CNTN5: variants seen among roughly 807,000 people sequenced by gnomAD.
CNTN5 encodes contactin 5.
Under a neutral mutation model 129.1 loss-of-function variants are expected in CNTN5, and 77 were observed. The ratio of observed to expected loss-of-function variants is 0.60; its 90% CI spans 0.50 to 0.72. CNTN5 has a LOEUF of 0.72. Among genes scored for constraint, CNTN5 ranks in the 30% least tolerant of loss-of-function variants. The pLI is 0.00. For missense variants in CNTN5, 1,478 were observed against 1,328.8 expected, an observed-to-expected ratio of 1.11 and a Z score of -1.75; for synonymous variants, 509 against 465.6, an observed-to-expected ratio of 1.09 and a Z score of -1.20.
intron 2 of CNTN5, among the ~76,000 whole-genome samples, chr11:99,353,243 A>G (rs991084634): frequency 1.3e-5 from 2 of 152,208 alleles, no homozygotes; most frequent in African/African-American, 4.8e-5. Flanking sequence ...TTGACCGCCT[A>G]TAAATCCCAC....
chr11:99,641,854 C>A (rs1565380118), intron 3 of CNTN5, among the ~76,000 whole-genome samples: 1 of 152,164 alleles, frequency 6.6e-6, no homozygotes, highest in African/African-American at 2.4e-5. Flanking sequence ...GCAACAATAG[C>A]TAACATTATT....
intron 9 of CNTN5, among the ~76,000 whole-genome samples, chr11:100,043,603 G>A (rs17094224): frequency 6.6e-6 from 1 of 152,114 alleles, no homozygotes; most frequent in Non-Finnish European, 1.5e-5. Context: ...ACTATGTAAA[G>A]TTCCACTCAT....
intron 16 of CNTN5, among the ~76,000 whole-genome samples, chr11:100,237,115 G>A (rs1376610898): frequency 6.6e-6 from 1 of 151,192 alleles, no homozygotes; most frequent in Non-Finnish European, 1.5e-5. Flanking sequence ...CGTGAACCCG[G>A]GAGGCAGAGC....
At chr11:99,664,211 T>C (rs1487586364) in intron 3 of CNTN5, among the ~76,000 whole-genome samples, 5 of 152,182 alleles carry the variant, frequency 3.3e-5, no homozygotes, top group Admixed American at 3.3e-4. Context: ...TTTCAAAATC[T>C]TTATGAAGAC....
At chr11:99,212,177 C>G (rs192091911) in intron 1 of CNTN5, among the ~76,000 whole-genome samples, 2 of 152,100 alleles carry the variant, frequency 1.3e-5, no homozygotes, top group African/African-American at 2.4e-5. Flanking sequence ...TTGGGTTGCA[C>G]GTGTTCTGGG....
At chr11:100,098,356 G>A (rs1415322875) in intron 13 of CNTN5, among the ~76,000 whole-genome samples, 1 of 151,974 alleles carries the variant, frequency 6.6e-6, no homozygotes, top group Non-Finnish European at 1.5e-5. Flanking sequence ...CCTGACTTTA[G>A]TACATAACAA....
intron 13 of CNTN5, among the ~76,000 whole-genome samples, chr11:100,128,356 G>A (rs1382321414): frequency 2.0e-5 from 3 of 152,056 alleles, no homozygotes; most frequent in Admixed American, 2.0e-4. Context: ...ATCAGTAACT[G>A]CAGTTGATTC....
rs545401307 is a variant in CNTN5 at position 99,906,992 on chromosome 11, G to A, written c.578-9062G>A. Among the ~76,000 whole-genome samples, 100 of 151,966 alleles carry A rather than the reference G, an allele frequency of 6.6e-4. No homozygotes were observed. In the South Asian group the frequency reaches 0.014, roughly 21 times the overall value. ...GATATCCACTTTGCCATTTTTTATTGTGTCTATTTGATTCTTCTCTCTTTT... is the reference window on the plus strand; with the variant it reads ...GATATCCACTTTGCCATTTTTTATTATGTCTATTTGATTCTTCTCTCTTTT... On this transcript the variant is annotated intron_variant, in intron 6 of 24. Transcript: ENST00000524871.
intron 2 of CNTN5, among the ~76,000 whole-genome samples, chr11:99,539,109 A>G (rs1392259983): frequency 6.6e-6 from 1 of 152,086 alleles, no homozygotes; most frequent in African/African-American, 2.4e-5. Context: ...TTCATAGATA[A>G]CTTGAACTTC....
At chr11:99,583,079 T>C (rs1949668207) in intron 3 of CNTN5, among the ~76,000 whole-genome samples, 1 of 152,246 alleles carries the variant, frequency 6.6e-6, no homozygotes, top group Non-Finnish European at 1.5e-5. Context: ...TGGAGTTTAC[T>C]GGAGGTCCAC....
chr11:99,373,710 TC>T (rs548513987), intron 2 of CNTN5, among the ~76,000 whole-genome samples: 21,404 of 51,674 alleles, frequency 0.41, 1,752 homozygotes, highest in Non-Finnish European at 0.46. Flanking sequence ...AAACTCCGTC[TC>T]AAAAAAAAAA....
intron 1 of CNTN5, among the ~76,000 whole-genome samples, chr11:99,135,931 G>A (rs969038683): frequency 2.0e-5 from 3 of 152,072 alleles, no homozygotes; most frequent in African/African-American, 4.8e-5. Flanking sequence ...TGATTTCACT[G>A]TGCATTTCAC....
At chr11:99,259,908 A>AT (rs1862551206) in intron 1 of CNTN5, among the ~76,000 whole-genome samples, 1 of 151,814 alleles carries the variant, frequency 6.6e-6, no homozygotes, top group Non-Finnish European at 1.5e-5. Context: ...CATTTCATAT[A>AT]TTTTGGTCAC....
At chr11:99,195,948 G>A (rs1417371598) in intron 1 of CNTN5, among the ~76,000 whole-genome samples, 1 of 151,856 alleles carries the variant, frequency 6.6e-6, no homozygotes, top group East Asian at 1.9e-4. Flanking sequence ...CAACATTAAT[G>A]GCTTTCACTT....
intron 9 of CNTN5, among the ~76,000 whole-genome samples, chr11:100,011,258 A>C (rs1453199685): frequency 6.6e-6 from 1 of 152,104 alleles, no homozygotes; most frequent in Non-Finnish European, 1.5e-5. Flanking sequence ...AGAGCACTAG[A>C]TATGTCAACT....
chr11:99,610,388 C>G (rs993187204), intron 3 of CNTN5, among the ~76,000 whole-genome samples: 1 of 151,928 alleles, frequency 6.6e-6, no homozygotes, highest in African/African-American at 2.4e-5. Context: ...ATATTTAGGA[C>G]CAGGACTAGA....
At chr11:100,148,716 A>G in intron 13 of CNTN5, among the ~76,000 whole-genome samples, 1 of 102,658 alleles carries the variant, frequency 9.7e-6, no homozygotes, top group South Asian at 3.0e-4. Flanking sequence ...TCAGATAGAT[A>G]TATCTAACAA....
At chr11:100,109,862 T>C (rs1193464991) in intron 13 of CNTN5, among the ~76,000 whole-genome samples, 1 of 152,182 alleles carries the variant, frequency 6.6e-6, no homozygotes, top group Non-Finnish European at 1.5e-5. Flanking sequence ...CACTCATTTC[T>C]ACATTCTAGC....
chr11:99,625,538 A>G (rs651446), intron 3 of CNTN5, among the ~76,000 whole-genome samples: 92,693 of 151,772 alleles, frequency 0.61, 29,180 homozygotes, highest in Admixed American at 0.74. Flanking sequence ...TTATTGTAAC[A>G]ACTGTACCAA....
Sources: allele counts gnomAD v4.1 joint callset (sites outside exome capture counted in the v4.1 genomes callset), GRCh38; gene constraint gnomAD v4.1.1; transcripts MANE v1.5; gene names NCBI Gene and HGNC (gene_info 2026-07-23, HGNC 2026-07-21).